RFX3: variants seen among roughly 807,000 people sequenced by gnomAD.
RFX3 encodes regulatory factor X3, also known as transcription factor RFX3.
RFX3 carries 14 observed loss-of-function variants against 98.6 expected under a neutral mutation model. That is an observed-to-expected ratio of 0.14 (90% confidence interval 0.09 to 0.22). RFX3 has a LOEUF of 0.22. Ranked by LOEUF, RFX3 falls within the 10% of genes least tolerant of loss-of-function variation. The pLI, the probability that RFX3 is intolerant of heterozygous loss-of-function variation, is 1.00. For missense variants in RFX3, 639 were observed against 926.9 expected (o/e 0.69, Z 4.03); for synonymous variants, 383 against 328.4 (o/e 1.17, Z -1.80).
At chr9:3,409,421 T>C (rs1842270569) in intron 1 of RFX3, among the ~76,000 whole-genome samples, 2 of 152,224 alleles carry the variant, frequency 1.3e-5, no homozygotes, top group Admixed American at 6.5e-5. Flanking sequence ...GACTGTTAAA[T>C]AATTCTACTG....
chr9:3,454,507 C>G (rs1396800972), intron 1 of RFX3, among the ~76,000 whole-genome samples: 1 of 152,160 alleles, frequency 6.6e-6, no homozygotes, highest in Non-Finnish European at 1.5e-5. Flanking sequence ...TCACATCAAG[C>G]TACTTGGTTG....
intron 2 of RFX3, among the ~76,000 whole-genome samples, chr9:3,357,111 A>G (rs1222928136): frequency 1.3e-5 from 2 of 151,928 alleles, no homozygotes; most frequent in African/African-American, 4.8e-5. Flanking sequence ...AAAAATACTC[A>G]CTTTTTTCAT....
chr9:3,324,586 T>TA (rs75741380), intron 4 of RFX3, among the ~76,000 whole-genome samples: 8,732 of 134,956 alleles, frequency 0.065, 871 homozygotes, highest in African/African-American at 0.22. Context: ...ACCATTTGTG[T>TA]AAAAAAAAAA....
intron 4 of RFX3, among the ~76,000 whole-genome samples, chr9:3,325,929 A>C (rs1246159620): frequency 6.6e-6 from 1 of 152,194 alleles, no homozygotes; most frequent in African/African-American, 2.4e-5. Flanking sequence ...ATGTATAATG[A>C]GTTCAGAATT....
intron 1 of RFX3, among the ~76,000 whole-genome samples, chr9:3,465,714 G>C (rs867776803): frequency 2.6e-5 from 4 of 152,014 alleles, no homozygotes; most frequent in African/African-American, 9.7e-5. Flanking sequence ...ATACAAAGAA[G>C]AGAAGGTATG....
chr9:3,519,694 A>G (rs1818510288), intron 1 of RFX3, among the ~76,000 whole-genome samples: 1 of 152,186 alleles, frequency 6.6e-6, no homozygotes, highest in African/African-American at 2.4e-5. Context: ...CTGACTCCAA[A>G]GCCTGTTATT....
intron 4 of RFX3, among the ~76,000 whole-genome samples, chr9:3,304,688 T>C (rs1798884884): frequency 2.0e-5 from 3 of 152,044 alleles, no homozygotes; most frequent in Admixed American, 2.0e-4. Flanking sequence ...TCATTCTCTC[T>C]TGCCTGCTGC....
At chr9:3,332,081 C>T (rs1248069533) in intron 3 of RFX3, among the ~76,000 whole-genome samples, 4 of 152,156 alleles carry the variant, frequency 2.6e-5, no homozygotes, top group African/African-American at 4.8e-5. Context: ...GTTGCTGAGT[C>T]CTGTCAATGT....
intron 1 of RFX3, among the ~76,000 whole-genome samples, chr9:3,398,999 T>C (rs993506779): frequency 1.0e-4 from 15 of 145,204 alleles, no homozygotes; most frequent in Admixed American, 7.6e-4. Context: ...TGGGAGAGCA[T>C]ATCAGAAGAT....
intron 15 of RFX3, among the ~76,000 whole-genome samples, chr9:3,238,098 T>C (rs2130812945): frequency 6.6e-6 from 1 of 152,328 alleles, no homozygotes; most frequent in East Asian, 1.9e-4. Context: ...CAGAGGGACC[T>C]AGAACAGTGC....
intron 1 of RFX3, among the ~76,000 whole-genome samples, chr9:3,396,161 G>T (rs547480434): frequency 6.6e-6 from 1 of 151,852 alleles, no homozygotes; most frequent in African/African-American, 2.4e-5. Context: ...TTAACATTAG[G>T]TATATCTCCT....
chr9:3,272,253 G>A (rs1670334453), intron 9 of RFX3, among the ~76,000 whole-genome samples: 2 of 152,024 alleles, frequency 1.3e-5, no homozygotes, highest in Non-Finnish European at 2.9e-5. Flanking sequence ...TCACCTTTGA[G>A]GCAAAGGTAA....
intron 15 of RFX3, chr9:3,247,585 T>A (rs948647642): frequency 8.0e-7 from 1 of 1,244,640 alleles, no homozygotes; most frequent in African/African-American, 1.5e-5. Flanking sequence ...ATGTTAGTTA[T>A]CATCATTACC....
intron 4 of RFX3, among the ~76,000 whole-genome samples, chr9:3,329,076 T>A (rs748302768): frequency 1.3e-5 from 2 of 152,170 alleles, no homozygotes; most frequent in Non-Finnish European, 2.9e-5. Context: ...AAATTTTCTA[T>A]GACTATTTCT....
intron 1 of RFX3, among the ~76,000 whole-genome samples, chr9:3,466,636 AAAGATTCAATTAG>A (rs1377151689): frequency 3.3e-5 from 5 of 152,118 alleles, no homozygotes; most frequent in Non-Finnish European, 7.4e-5. Flanking sequence ...CTTTGTATAA[AAAGATTCAATTAG>A]ATGTCTTATT....
chr9:3,444,987 C>T (rs1845916251), intron 1 of RFX3, among the ~76,000 whole-genome samples: 1 of 152,080 alleles, frequency 6.6e-6, no homozygotes, highest in Admixed American at 6.6e-5. Context: ...TCTTTAATGC[C>T]ACTTATTAGG....
chr9:3,323,974 C>T, intron 4 of RFX3: 1 of 416,298 alleles, frequency 2.4e-6, no homozygotes, highest in Non-Finnish European at 5.2e-6. Context: ...ATTCAAAGTC[C>T]CATTTTATTA....
At chr9:3,377,590 TA>T (rs1044422564) in intron 2 of RFX3, among the ~76,000 whole-genome samples, 7 of 151,596 alleles carry the variant, frequency 4.6e-5, no homozygotes, top group African/African-American at 9.7e-5. Flanking sequence ...AGTATAATAA[TA>T]AAAAAAAGAA....
At chr9:3,344,988 A>C in intron 3 of RFX3, 1 of 599,394 alleles carries the variant, frequency 1.7e-6, no homozygotes, top group Non-Finnish European at 3.0e-6. Context: ...ATTATGTGCC[A>C]ATCACCTAAG....
Sources: gnomAD v4.1 joint callset for allele counts (sites outside exome capture counted in the v4.1 genomes callset) on GRCh38, gnomAD v4.1.1 for gene constraint, MANE v1.5 for transcripts, NCBI Gene and HGNC (gene_info 2026-07-23, HGNC 2026-07-21) for gene names.